CBX1: variants seen among roughly 807,000 people sequenced by gnomAD.
CBX1 encodes the protein chromobox protein homolog 1.
A neutral mutation model predicts 25.1 loss-of-function variants in CBX1; 10 were observed. The observed-to-expected ratio is 0.40, with a 90% CI of 0.25 to 0.68. The LOEUF is 0.68. Ranked by LOEUF, CBX1 falls within the 30% of genes least tolerant of loss-of-function variation. The pLI is 0.40. For missense variants in CBX1, 106 were observed against 218.5 expected (o/e 0.49, Z 3.25); for synonymous variants, 63 against 79.4 (o/e 0.79, Z 1.10).
chr17:48,090,658 G>C (rs955297339), intron 1 of CBX1, among the ~76,000 whole-genome samples: 1 of 152,136 alleles, frequency 6.6e-6, no homozygotes, highest in African/African-American at 2.4e-5. Context: ...TTGAGCTGAA[G>C]GCCCCTGCAC....
chr17:48,098,243 C>G (rs1206427095), intron 1 of CBX1, among the ~76,000 whole-genome samples: 1 of 136,774 alleles, frequency 7.3e-6, no homozygotes, highest in Non-Finnish European at 1.5e-5. Context: ...GAGCGACACT[C>G]TGTCTTAAAA....
intron 1 of CBX1, among the ~76,000 whole-genome samples, chr17:48,077,502 T>C (rs138086835): frequency 1.4e-3 from 202 of 147,746 alleles, no homozygotes; most frequent in African/African-American, 5.1e-3. Flanking sequence ...GTTGGCCAGG[T>C]TGGTCTCGAA....
At chr17:48,077,432 T>G (rs1598304782) in intron 1 of CBX1, among the ~76,000 whole-genome samples, 1 of 80,654 alleles carries the variant, frequency 1.2e-5, no homozygotes, top group African/African-American at 5.6e-5. Context: ...TAATTTTTGT[T>G]GTTTTTTTTT....
intron 1 of CBX1, among the ~76,000 whole-genome samples, chr17:48,085,982 A>C (rs899362863): frequency 6.6e-6 from 1 of 152,204 alleles, no homozygotes; most frequent in Non-Finnish European, 1.5e-5. Flanking sequence ...AGGCATGAGA[A>C]TTGCTTGAAC....
At chr17:48,073,765 T>C (rs1201733895) in intron 4 of CBX1, among the ~76,000 whole-genome samples, 2 of 143,892 alleles carry the variant, frequency 1.4e-5, no homozygotes, top group East Asian at 4.1e-4. Flanking sequence ...GGGCGGAGGT[T>C]GCAGTGAGCT....
intron 4 of CBX1, 76 bp from the exon 5 acceptor site, chr17:48,071,655 G>T: frequency 7.8e-7 from 1 of 1,281,788 alleles, no homozygotes; most frequent in Non-Finnish European, 1.0e-6. Flanking sequence ...CCAGGGGACA[G>T]TGCTTTAAAA....
chr17:48,100,840 C>A (rs796621163), intron 1 of CBX1: 1 of 985,646 alleles, frequency 1.0e-6, no homozygotes, highest in African/African-American at 1.7e-5. Context: ...GCAGTCCCAG[C>A]CGGACCCGGC....
intron 4 of CBX1, among the ~76,000 whole-genome samples, chr17:48,074,198 C>G (rs1198029050): frequency 6.6e-6 from 1 of 152,048 alleles, no homozygotes; most frequent in African/African-American, 2.4e-5. Context: ...TCTGGACTGA[C>G]AAAAGGACAA....
intron 1 of CBX1, among the ~76,000 whole-genome samples, chr17:48,086,918 G>A (rs1201746224): frequency 1.3e-5 from 2 of 152,022 alleles, no homozygotes; most frequent in African/African-American, 4.8e-5. Flanking sequence ...GGCCGGGCGC[G>A]GTGGCTCACG....
intron 1 of CBX1, among the ~76,000 whole-genome samples, chr17:48,090,300 T>C (rs57518778): frequency 1.5e-4 from 23 of 152,278 alleles, no homozygotes; most frequent in East Asian, 7.7e-4. Context: ...ACTTTGAAGA[T>C]TGTGATTTCA....
intron 1 of CBX1, among the ~76,000 whole-genome samples, chr17:48,084,580 G>T (rs182339870): frequency 3.1e-4 from 46 of 149,600 alleles, no homozygotes; most frequent in Non-Finnish European, 2.2e-4. Context: ...GGGATTACAG[G>T]CATGAACCAT....
At chr17:48,084,858 C>A (rs1274167462) in intron 1 of CBX1, among the ~76,000 whole-genome samples, 2 of 150,422 alleles carry the variant, frequency 1.3e-5, no homozygotes, top group Non-Finnish European at 2.9e-5. Flanking sequence ...TGCAGTGAGC[C>A]GAGATCGCGC....
At chr17:48,088,479 C>T (rs2063325355) in intron 1 of CBX1, among the ~76,000 whole-genome samples, 1 of 151,822 alleles carries the variant, frequency 6.6e-6, no homozygotes, top group Admixed American at 6.6e-5. Flanking sequence ...ATTAGCCGGG[C>T]GTGGTGGCGC....
chr17:48,087,860 G>A (rs1286208842), intron 1 of CBX1, among the ~76,000 whole-genome samples: 6 of 121,116 alleles, frequency 5.0e-5, no homozygotes, highest in East Asian at 2.4e-4. Flanking sequence ...GCAACAGAGC[G>A]AGACTCAGTC....
intron 1 of CBX1, among the ~76,000 whole-genome samples, chr17:48,082,867 CTTTT>C (rs36125840): frequency 7.9e-5 from 10 of 127,206 alleles, no homozygotes; most frequent in African/African-American, 1.9e-4. Flanking sequence ...ACACAATTAT[CTTTT>C]TTTTTTTTTT....
At chr17:48,092,138 G>A (rs1015081751) in intron 1 of CBX1, among the ~76,000 whole-genome samples, 7 of 150,670 alleles carry the variant, frequency 4.6e-5, no homozygotes, top group African/African-American at 1.7e-4. Context: ...TTACAGGCAT[G>A]CGCCACCATG....
At chr17:48,083,315 C>T (rs909089727) in intron 1 of CBX1, among the ~76,000 whole-genome samples, 2 of 150,538 alleles carry the variant, frequency 1.3e-5, no homozygotes, top group Non-Finnish European at 2.9e-5. Flanking sequence ...TGGTCAATTA[C>T]CACTTTGTAA....
In CBX1 at chr17:48,101,405, C is replaced by T; in HGVS notation, c.-175G>A. 1 of 985,554 alleles carries T rather than the reference C, an allele frequency of 1.0e-6. No individual in the cohort carries two copies. Among genetic ancestry groups the T allele is most frequent in the Non-Finnish European group, 1.2e-6 (1 of 830,010 alleles). The allele number at this position is 985,554 out of a possible 1,614,324, so 61.1% of individuals were successfully genotyped here. A position where few individuals can be genotyped will look rare whatever the true frequency, so the allele number is the denominator to read the frequency against. On this transcript the variant is annotated 5_prime_UTR_variant, in exon 1 of 5. Coordinates refer to ENST00000225603, the MANE Select transcript of CBX1 (RefSeq NM_001127228.2). ...TGGCGTCCCTCACTGAAGCGGCGTACCGCAGGCCCCGGCCAACGGCCCTCC... is the reference window on the plus strand; with the variant it reads ...TGGCGTCCCTCACTGAAGCGGCGTATCGCAGGCCCCGGCCAACGGCCCTCC...
intron 1 of CBX1, among the ~76,000 whole-genome samples, chr17:48,083,822 C>T (rs1253097131): frequency 6.7e-6 from 1 of 149,952 alleles, no homozygotes; most frequent in African/African-American, 2.5e-5. Flanking sequence ...GAAACTCCAT[C>T]CCCCCTCCAA....
Sources: gnomAD v4.1 joint callset for allele counts (sites outside exome capture counted in the v4.1 genomes callset) on GRCh38, gnomAD v4.1.1 for gene constraint, MANE v1.5 for transcripts, NCBI Gene and HGNC (gene_info 2026-07-23, HGNC 2026-07-21) for gene names.